DOCK4: variants seen among roughly 807,000 people sequenced by gnomAD.
The protein encoded by DOCK4 is dedicator of cytokinesis 4.
DOCK4 carries 97 observed loss-of-function variants against 268.1 expected under a neutral mutation model. The observed-to-expected ratio is 0.36, with a 90% CI of 0.31 to 0.43. DOCK4 has a LOEUF of 0.43. DOCK4 is among the 20% of genes least tolerant of loss of function. The pLI is 1.00. For synonymous variants in DOCK4, 954 were observed against 887.2 expected, an observed-to-expected ratio of 1.08 and a Z score of -1.34; for missense variants, 2,145 against 2,455.7, an observed-to-expected ratio of 0.87 and a Z score of 2.67.
At position 111,726,656 on chromosome 7, in the gene DOCK4, C is replaced by T. The variant is rs1794667706; in HGVS notation, c.*1618G>A. On this transcript the variant is annotated 3_prime_UTR_variant, in exon 53 of 53. Coordinates refer to ENST00000428084, the MANE Select transcript of DOCK4 (RefSeq NM_001363540.2). ...TTTCCGACATTCAAAATTGTAAAGT[C>T]AATATGGCAGAATTGTTAAAAGCAC... is the stretch of plus-strand genomic sequence containing the variant. 1 of 152,582 alleles carries T rather than the reference C, an allele frequency of 6.6e-6. No homozygotes were observed. Among genetic ancestry groups the T allele is most frequent in the South Asian group, 2.1e-4 (1 of 4,830 alleles). The allele number at this position is 152,582 out of a possible 1,614,324, so 9.5% of individuals were successfully genotyped here.
chr7:111,928,893 T>G (rs1167836195), intron 12 of DOCK4, among the ~76,000 whole-genome samples: 1 of 152,148 alleles, frequency 6.6e-6, no homozygotes, highest in Non-Finnish European at 1.5e-5. Flanking sequence ...CTGGCTAGGA[T>G]TTTCTTTTGT....
intron 36 of DOCK4, 82 bp downstream of exon 36, chr7:111,778,194 C>T (rs1487497447): frequency 2.2e-6 from 2 of 918,786 alleles, no homozygotes; most frequent in South Asian, 1.6e-5. Context: ...TGAGTCTTTC[C>T]ACTCTAATTA....
chr7:112,039,689 A>C (rs976327093), intron 1 of DOCK4, among the ~76,000 whole-genome samples: 4 of 152,146 alleles, frequency 2.6e-5, no homozygotes, highest in Non-Finnish European at 5.9e-5. Context: ...AATTATAACT[A>C]CTGCCAACAT....
intron 1 of DOCK4, among the ~76,000 whole-genome samples, chr7:112,137,169 T>A (rs899747798): frequency 6.6e-6 from 1 of 152,234 alleles, no homozygotes; most frequent in Non-Finnish European, 1.5e-5. Flanking sequence ...ATAATTTTTT[T>A]ATCATAGCTT....
intron 12 of DOCK4, among the ~76,000 whole-genome samples, chr7:111,933,677 G>GT: frequency 6.6e-6 from 1 of 152,212 alleles, no homozygotes; most frequent in Middle Eastern, 3.4e-3. Flanking sequence ...CCTGTCTCGT[G>GT]TGAGTCTTTT....
chr7:111,863,559 C>T lies in DOCK4; in HGVS notation c.2286G>A (p.Val762=). ...ACACGGCAGGGAAAGAGCTCAGAAACACAGCCTTAAAAAGAAGAAGACATT... is the reference window on the plus strand; with the variant it reads ...ACACGGCAGGGAAAGAGCTCAGAAATACAGCCTTAAAAAGAAGAAGACATT... ...GSGALSQSQA[V]FLSSFPAVYS... is the part of the protein sequence containing the mutation. The change falls in exon 23 of 53, where the codon GTG becomes GTA. Residue 762 remains valine, a synonymous_variant. Coordinates refer to ENST00000428084, the MANE Select transcript of DOCK4 (RefSeq NM_001363540.2). The T allele has an allele frequency of 6.3e-7, 1 of 1,599,032 alleles. No individual in the cohort carries two copies. The highest frequency in any genetic ancestry group is 1.3e-5 in the African/African-American group (1 of 74,598).
chr7:111,963,242 C>A (rs1797077808), intron 8 of DOCK4, among the ~76,000 whole-genome samples: 1 of 151,498 alleles, frequency 6.6e-6, no homozygotes, highest in African/African-American at 2.4e-5. Flanking sequence ...GACTACAGCT[C>A]CCAGCGTGAG....
At chr7:111,985,702 A>T (rs1799000392) in intron 6 of DOCK4, among the ~76,000 whole-genome samples, 1 of 152,150 alleles carries the variant, frequency 6.6e-6, no homozygotes, top group Admixed American at 6.6e-5. Context: ...TCTCTTTGGG[A>T]AACCTAGAAA....
Position 111,783,869 on chromosome 7 carries a change from A to C in DOCK4, c.3512T>G (p.Leu1171Trp). 1 of 1,601,550 alleles carries C rather than the reference A, an allele frequency of 6.2e-7. No individual in the cohort carries two copies. The highest frequency in any genetic ancestry group is 1.1e-5 in the South Asian group (1 of 88,680). Residue 1171 changes from leucine to tryptophan, a missense_variant, in exon 34 of 53, where the codon TTG becomes TGG. Physicochemically the swap from Leu to Trp is moderately conservative, Grantham distance 61. This residue lies in a region of DOCK4 where 1,598 missense variants were observed against 1,986.7 expected (regional missense o/e 0.80). Transcript: ENST00000428084. ...CGACTTGGCTTACCTGTAATCTAAC[A>C]ACCTCTCCATTAGACGAGTTACAGT... is the stretch of plus-strand genomic sequence containing the variant. Reference protein sequence around the residue: ...IATVTRLMERLLDYRDCMKMG... With the variant: ...IATVTRLMERWLDYRDCMKMG...
Position 112,191,661 on chromosome 7 carries a change from G to A in DOCK4, c.37+14441C>T, listed in dbSNP as rs1397989273. Reference sequence around the variant, plus strand: ...TGCCTCCAGATTCTGGCCCTAAGTCGTATGTACAAAGGTGTGATACCATGA... The same window carrying A: ...TGCCTCCAGATTCTGGCCCTAAGTCATATGTACAAAGGTGTGATACCATGA... On this transcript the variant is annotated intron_variant, in intron 1 of 52. Transcript: ENST00000428084. Among the ~76,000 whole-genome samples the A allele has an allele frequency of 2.0e-5, 3 of 152,250 alleles. No individual in the cohort carries two copies. In the East Asian group the frequency reaches 5.8e-4, roughly 29 times the overall value.
At position 111,845,984 on chromosome 7, in the gene DOCK4, G is replaced by A. The variant is rs78376328; in HGVS notation, c.2601+1015C>T. On this transcript the variant is annotated intron_variant, in intron 24 of 52. Transcript: ENST00000428084. ...TATTCAGTTCCAGATCACCTTTGGG[G>A]CCTGGATCATGGGGGTGGGAAAAAG... Among the ~76,000 whole-genome samples, 755 of 152,232 alleles carry A rather than the reference G, an allele frequency of 5.0e-3. 6 individuals are homozygous for A. Among genetic ancestry groups the A allele is most frequent in the Non-Finnish European group, 6.6e-3 (448 of 68,018 alleles).
intron 36 of DOCK4, 120 bp downstream of exon 36, chr7:111,778,156 T>C: frequency 1.6e-6 from 1 of 624,166 alleles, no homozygotes; most frequent in Non-Finnish European, 2.7e-6. Flanking sequence ...CAATTAAAAA[T>C]AAATTTTAAT....
At chr7:112,101,081 G>T (rs1810636301) in intron 1 of DOCK4, among the ~76,000 whole-genome samples, 1 of 152,086 alleles carries the variant, frequency 6.6e-6, no homozygotes, top group African/African-American at 2.4e-5. Context: ...GTACAGGGGG[G>T]ACACATAGAG....
intron 14 of DOCK4, 61 bp downstream of exon 14, chr7:111,901,616 A>C: frequency 6.6e-7 from 1 of 1,511,638 alleles, no homozygotes; most frequent in South Asian, 1.2e-5. Flanking sequence ...ATCACATTAA[A>C]GATTAAGTGA....
chr7:112,020,685 TAAA>T (rs58803593), intron 1 of DOCK4, among the ~76,000 whole-genome samples: 272 of 116,904 alleles, frequency 2.3e-3, no homozygotes, highest in Middle Eastern at 4.8e-3. Flanking sequence ...ACCCTAAAAG[TAAA>T]AAAAAAAAAA....
intron 27 of DOCK4, among the ~76,000 whole-genome samples, chr7:111,816,988 A>C (rs978696560): frequency 4.6e-5 from 7 of 152,220 alleles, no homozygotes; most frequent in Admixed American, 2.0e-4. Context: ...GGATTTACAC[A>C]GAGTGACTCT....
At chr7:111,849,262 C>CTTTTTTTTTTTTTTTTTTTTTTTTTTTT (rs200312873) in intron 23 of DOCK4, among the ~76,000 whole-genome samples, 1 of 133,366 alleles carries the variant, frequency 7.5e-6, no homozygotes, top group Non-Finnish European at 1.6e-5. Flanking sequence ...TTCCTAGTTA[C>CTTTTTTTTTTTTTTTTTTTTTTTTTTTT]TTTTTTTTTT....
chr7:111,840,948 A>T, intron 25 of DOCK4: 1 of 719,318 alleles, frequency 1.4e-6, no homozygotes, highest in Non-Finnish European at 2.1e-6. Context: ...AGACCAGGGC[A>T]TATTTCTCGC....
chr7:111,889,922 G>A (rs538043495), intron 16 of DOCK4, among the ~76,000 whole-genome samples: 8 of 152,264 alleles, frequency 5.3e-5, no homozygotes, highest in African/African-American at 1.7e-4. Context: ...TGTTTGAGTT[G>A]GGCACTTCTG....
Sources: allele counts gnomAD v4.1 joint callset (sites outside exome capture counted in the v4.1 genomes callset), GRCh38; gene constraint gnomAD v4.1.1; regional missense constraint gnomAD v4.1.1; transcripts MANE v1.5; gene names NCBI Gene and HGNC (gene_info 2026-07-23, HGNC 2026-07-21).